The following STK10 variants were observed in gnomAD, a reference collection of about 807,000 sequenced individuals.
The protein encoded by STK10 is serine/threonine kinase 10.
A neutral mutation model predicts 113.8 loss-of-function variants in STK10; 78 were observed. The observed-to-expected ratio is 0.69, with a 90% CI of 0.57 to 0.83. STK10 has a LOEUF of 0.83. STK10 is among the 40% of genes least tolerant of loss of function. The pLI, the probability that STK10 is intolerant of heterozygous loss-of-function variation, is 0.00. For missense variants in STK10, 1,109 were observed against 1,280.1 expected (o/e 0.87, Z 2.04); for synonymous variants, 465 against 494.7 (o/e 0.94, Z 0.80).
chr5:172,151,753 C>T (rs896419064), intron 2 of STK10, among the ~76,000 whole-genome samples: 2 of 152,244 alleles, frequency 1.3e-5, no homozygotes, highest in Non-Finnish European at 2.9e-5. Flanking sequence ...AGGACCGTTT[C>T]CCTCTTGCTC....
At position 172,188,223 on chromosome 5, in the gene STK10, G is replaced by A; in HGVS notation, c.-181C>T. 1 of 1,104,150 alleles carries A rather than the reference G, an allele frequency of 9.1e-7. No homozygotes were observed. The highest frequency in any genetic ancestry group is 1.2e-6 in the Non-Finnish European group (1 of 830,282). 68.4% of individuals were successfully genotyped at this position (1,104,150 alleles called of 1,614,324 possible). On this transcript the variant is annotated 5_prime_UTR_variant, in exon 1 of 19. Coordinates refer to ENST00000176763, the MANE Select transcript of STK10 (RefSeq NM_005990.4). This position sits in a 1 kb window ranked among gnomAD's most constrained non-coding sequence, Gnocchi z 5.6. ...TGCCCTGGGCAGCGCCGCGCCGGGA[G>A]CACCCGGAACCGCGCAGGCGGCGGC...
chr5:172,150,669 C>A (rs1223907262), intron 2 of STK10, among the ~76,000 whole-genome samples: 3 of 152,142 alleles, frequency 2.0e-5, no homozygotes, highest in African/African-American at 7.2e-5. Context: ...CAAGGGCTGG[C>A]CTCTGAGCCC....
Position 172,044,993 on chromosome 5 carries a change from C to A in STK10, c.2796G>T (p.Lys932Asn). Residue 932 changes from lysine (K) to asparagine (N), a missense_variant, in exon 19 of 19, where the codon AAG becomes AAT. Lys to Asn is a moderately conservative substitution (Grantham distance 94). Around this residue, in one of 5 missense-constraint regions of STK10, gnomAD observed 885 missense variants for 991.1 expected, o/e 0.89. Coordinates refer to ENST00000176763, the MANE Select transcript of STK10 (RefSeq NM_005990.4). The surrounding 1 kb of genome is among the most constrained non-coding windows in gnomAD (Gnocchi z 4.5). ...GCTTGAAGAACATCTCCTGCTCCCG[C>A]TTCTTCTGGTTCAGATCCTCTTCCA... is the stretch of plus-strand genomic sequence containing the variant. The part of the protein sequence containing the change: ...KALEEDLNQK[K>N]REQEMFFKLS... 1.2e-6 allele frequency: 2 copies of A among 1,614,210 alleles called. No homozygotes were observed. Among genetic ancestry groups the A allele is most frequent in the Non-Finnish European group, 1.7e-6 (2 of 1,180,046 alleles).
At chr5:172,085,132 C>G in intron 10 of STK10, among the ~76,000 whole-genome samples, 1 of 151,922 alleles carries the variant, frequency 6.6e-6, no homozygotes, top group Non-Finnish European at 1.5e-5. Context: ...GTGGTCCCAG[C>G]TACTTAAAAG....
At chr5:172,100,659 C>T (rs1030835280) in intron 7 of STK10, among the ~76,000 whole-genome samples, 2 of 152,020 alleles carry the variant, frequency 1.3e-5, no homozygotes, top group African/African-American at 4.8e-5. Context: ...TGGTGGCAGG[C>T]GTCTGTAATC....
chr5:172,056,991 GAAAGAGAAAGAAGGAAAGAAAGAA>G (rs1561790193), intron 15 of STK10: 7 of 82,654 alleles, frequency 8.5e-5, no homozygotes, highest in African/African-American at 4.1e-4. Flanking sequence ...AAGAAAGAAA[GAAAGAGAAAGAAGGAAAGAAAGAA>G]AGAAAGAAAG....
At chr5:172,088,982 C>T (rs1332414677) in intron 10 of STK10, among the ~76,000 whole-genome samples, 1 of 152,166 alleles carries the variant, frequency 6.6e-6, no homozygotes, top group Non-Finnish European at 1.5e-5. Context: ...CTGGTTTTGC[C>T]TCCAAAATGT....
At position 172,118,878 on chromosome 5, in the gene STK10, C is replaced by CAAAAAAAAAA. The variant is rs3028101; in HGVS notation, c.371-1258_371-1249dup. ...TGGGTGACAGAGCGAGACTCAGTCT[C>CAAAAAAAAAA]AAAAAAAAAAAAAAAAAAAGTGTCC... On this transcript the variant is annotated intron_variant, in intron 3 of 18. Coordinates refer to ENST00000176763, the MANE Select transcript of STK10 (RefSeq NM_005990.4). Among the ~76,000 whole-genome samples, 480 of 71,202 alleles carry CAAAAAAAAAA rather than the reference C, an allele frequency of 6.7e-3. 28 individuals carry two copies. The highest frequency in any genetic ancestry group is 0.018 in the African/African-American group (356 of 19,970). The allele number at this position is 71,202 out of a possible 152,430, so 46.7% of individuals were successfully genotyped here.
intron 2 of STK10, among the ~76,000 whole-genome samples, chr5:172,131,874 A>G (rs13157987): frequency 0.2 from 30,706 of 152,084 alleles, 3,236 homozygotes; most frequent in Non-Finnish European, 0.25. Flanking sequence ...CAGTAATGGG[A>G]GGTGTTTAGA....
chr5:172,147,183 G>T (rs896953612), intron 2 of STK10, among the ~76,000 whole-genome samples: 2 of 152,180 alleles, frequency 1.3e-5, no homozygotes, highest in African/African-American at 4.8e-5. Flanking sequence ...GGGGGAAGGG[G>T]CAAGGGGCTT....
chr5:172,188,124 G>A lies in STK10; in HGVS notation c.-82C>T. On this transcript the variant is annotated 5_prime_UTR_variant, in exon 1 of 19. Transcript: ENST00000176763. This position sits in a 1 kb window ranked among gnomAD's most constrained non-coding sequence, Gnocchi z 5.6. ...CGGCGGCCGCGAGGAGAAGGAGGAGGAGTTGGAGGACGCCGCGTCTCTCGG... is the reference window on the plus strand; with the variant it reads ...CGGCGGCCGCGAGGAGAAGGAGGAGAAGTTGGAGGACGCCGCGTCTCTCGG... 1.3e-6 allele frequency: 2 copies of A among 1,532,012 alleles called. No individual in the cohort carries two copies. Among genetic ancestry groups the A allele is most frequent in the East Asian group, 2.4e-5 (1 of 41,668 alleles). The allele number at this position is 1,532,012 out of a possible 1,614,324, so 94.9% of individuals were successfully genotyped here.
chr5:172,145,086 T>C (rs1231296262), intron 2 of STK10, among the ~76,000 whole-genome samples: 1 of 152,188 alleles, frequency 6.6e-6, no homozygotes, highest in Non-Finnish European at 1.5e-5. Flanking sequence ...TCAGACTCTG[T>C]GCAGATGCTA....
chr5:172,095,037 G>A (rs372761605), intron 8 of STK10, among the ~76,000 whole-genome samples: 1 of 152,168 alleles, frequency 6.6e-6, no homozygotes. Flanking sequence ...ATCCCCTGCC[G>A]CCCCGTCCTT....
intron 15 of STK10, chr5:172,057,029 G>GAAA (rs1174104611): frequency 1.1e-5 from 2 of 178,782 alleles, no homozygotes; most frequent in East Asian, 1.4e-4. Context: ...AAGAAAGAAA[G>GAAA]AAAGAAAGAA....
intron 2 of STK10, among the ~76,000 whole-genome samples, chr5:172,139,111 A>T (rs1268157729): frequency 1.3e-5 from 2 of 152,256 alleles, no homozygotes; most frequent in African/African-American, 4.8e-5. Flanking sequence ...AGATGTCAAT[A>T]CTACCCAACA....
intron 12 of STK10, among the ~76,000 whole-genome samples, chr5:172,080,636 A>C (rs991357804): frequency 1.3e-5 from 2 of 152,282 alleles, no homozygotes; most frequent in African/African-American, 4.8e-5. Flanking sequence ...AGCCTGATCC[A>C]GGGCAAGGCC....
intron 4 of STK10, among the ~76,000 whole-genome samples, chr5:172,112,920 ATTTTTAG>A (rs1400377517): frequency 2.0e-5 from 3 of 150,132 alleles, no homozygotes; most frequent in African/African-American, 7.4e-5. Flanking sequence ...CTAATTTTGT[ATTTTTAG>A]TAGAGACGGG....
At chr5:172,054,821 GCAC>G (rs1287943993) in intron 16 of STK10, 127 bp from the exon 17 acceptor site, 27 of 1,333,598 alleles carry the variant, frequency 2.0e-5, no homozygotes, top group Non-Finnish European at 4.1e-6. Context: ...CCAGTACCCA[GCAC>G]CACCTCAGGC....
intron 12 of STK10, among the ~76,000 whole-genome samples, chr5:172,079,065 C>T (rs1768374608): frequency 6.6e-6 from 1 of 152,120 alleles, no homozygotes; most frequent in Non-Finnish European, 1.5e-5. Flanking sequence ...TGGGTCTAAC[C>T]CTGAATGTAC....
Sources: allele counts gnomAD v4.1 joint callset (sites outside exome capture counted in the v4.1 genomes callset), GRCh38; gene constraint gnomAD v4.1.1; regional missense constraint gnomAD v4.1.1; non-coding constraint Gnocchi (gnomAD v3.1); transcripts MANE v1.5; gene names NCBI Gene and HGNC (gene_info 2026-07-23, HGNC 2026-07-21).